PRH1: variants seen among roughly 807,000 people sequenced by gnomAD.
The protein encoded by PRH1 is salivary acidic proline-rich phosphoprotein 1/2.
In PRH1, 7 loss-of-function variants were observed where a neutral mutation model predicts 7.9. The ratio of observed to expected loss-of-function variants is 0.89; its 90% CI spans 0.50 to 1.67. The LOEUF (loss-of-function observed/expected upper bound fraction) is 1.67, where lower values mean the gene tolerates loss of function less well. Ranked by LOEUF, PRH1 falls within the 40% of genes most tolerant of loss-of-function variation. PRH1 has a pLI of 0.00. For missense variants in PRH1, 109 were observed against 223.6 expected, an observed-to-expected ratio of 0.49 and a Z score of 3.27; for synonymous variants, 45 against 80.8, an observed-to-expected ratio of 0.56 and a Z score of 2.38.
chr12:10,964,712 T>C (rs1938419076), intron 2 of PRH1: 5 of 656,790 alleles, frequency 7.6e-6, no homozygotes, highest in Admixed American at 4.0e-5. Flanking sequence ...TGGAGATCCT[T>C]TGCCATGGAA....
At chr12:11,147,291 G>C (rs1946892265) in intron 1 of PRH1, among the ~76,000 whole-genome samples, 1 of 152,026 alleles carries the variant, frequency 6.6e-6, no homozygotes, top group Non-Finnish European at 1.5e-5. Context: ...CCCAAGATCA[G>C]ATCCTCCCAC....
intron 1 of PRH1, among the ~76,000 whole-genome samples, chr12:11,071,324 G>A (rs1465814808): frequency 6.6e-6 from 1 of 150,750 alleles, no homozygotes; most frequent in South Asian, 2.1e-4. Context: ...TGCAAAGGCA[G>A]GTGCCAATTC....
intron 1 of PRH1, among the ~76,000 whole-genome samples, chr12:11,027,761 CTGTGCA>C (rs937515275): frequency 3.3e-5 from 5 of 152,166 alleles, no homozygotes; most frequent in African/African-American, 1.2e-4. Flanking sequence ...TTATAGGACT[CTGTGCA>C]TGTCTCTGAC....
At chr12:10,898,785 TATC>T (rs2135805360) in intron 2 of PRH1, among the ~76,000 whole-genome samples, 1 of 152,314 alleles carries the variant, frequency 6.6e-6, no homozygotes, top group South Asian at 2.1e-4. Flanking sequence ...GTAAAGAAAT[TATC>T]CATGTTTTGT....
chr12:11,101,201 G>A (rs1440176996), intron 1 of PRH1, among the ~76,000 whole-genome samples: 1 of 152,102 alleles, frequency 6.6e-6, no homozygotes, highest in Admixed American at 6.6e-5. Flanking sequence ...TTTAAGTAAT[G>A]TTTTGGGCCA....
chr12:11,011,198 G>C (rs7311538), intron 1 of PRH1, among the ~76,000 whole-genome samples: 46,306 of 151,908 alleles, frequency 0.3, 8,927 homozygotes, highest in East Asian at 0.74. Context: ...TAAGGCAGGC[G>C]TATTATCACT....
chr12:10,986,869 A>G, intron 1 of PRH1: 1 of 1,485,224 alleles, frequency 6.7e-7, no homozygotes, highest in Non-Finnish European at 9.0e-7. Context: ...ATATCTGAGC[A>G]GAAAAAAAGA....
intron 2 of PRH1, among the ~76,000 whole-genome samples, chr12:10,947,211 A>T (rs1197060215): frequency 1.3e-5 from 2 of 151,940 alleles, no homozygotes; most frequent in East Asian, 3.9e-4. Context: ...ATGATCTAAT[A>T]CTGTCAGTGG....
chr12:10,932,394 A>C (rs1333587064), intron 2 of PRH1: 4 of 228,238 alleles, frequency 1.8e-5, no homozygotes, highest in African/African-American at 8.8e-5. Flanking sequence ...TTGTAAGAAC[A>C]TCCAGGACCC....
chr12:10,904,821 T>A (rs368640944), intron 2 of PRH1, among the ~76,000 whole-genome samples: 4 of 151,794 alleles, frequency 2.6e-5, no homozygotes, highest in Admixed American at 1.3e-4. Flanking sequence ...ATGGAAACAA[T>A]TGAACAAGCA....
rs375315747 is a variant in PRH1, at chr12:11,062,157, T to G, written n.124-14969A>C. ...TGGAGACTGCCAGAGCAGTGAGAAT[T>G]TGGTCAGCAAAAGAGATCTTTTGTC... On this transcript the variant is annotated intron_variant and non_coding_transcript_variant, in intron 1 of 4. Coordinates refer to the PRH1 transcript ENST00000541977. 2 of 1,613,496 alleles carry G rather than the reference T, an allele frequency of 1.2e-6. No individual in the cohort carries two copies. The highest frequency in any genetic ancestry group is 2.7e-5 in the African/African-American group (2 of 74,860).
chr12:10,968,699 C>T (rs750292893), intron 2 of PRH1, among the ~76,000 whole-genome samples: 1 of 152,218 alleles, frequency 6.6e-6, no homozygotes, highest in East Asian at 1.9e-4. Flanking sequence ...GGGTGAAATC[C>T]ACTCGCTGGG....
chr12:11,051,110 G>C (rs1591895305), upstream of PRH1, among the ~76,000 whole-genome samples: 2 of 152,356 alleles, frequency 1.3e-5, no homozygotes, highest in African/African-American at 4.8e-5. Flanking sequence ...AAGTGATATA[G>C]GTATTCTGCT....
At chr12:10,901,273 G>C (rs1949719761) in intron 2 of PRH1, among the ~76,000 whole-genome samples, 1 of 152,168 alleles carries the variant, frequency 6.6e-6, no homozygotes, top group Admixed American at 6.5e-5. Context: ...GGTGGGTTCT[G>C]CTCCACAAGC....
At chr12:11,107,971 GA>G (rs1945476339) in intron 1 of PRH1, among the ~76,000 whole-genome samples, 2 of 152,184 alleles carry the variant, frequency 1.3e-5, no homozygotes, top group Non-Finnish European at 2.9e-5. Flanking sequence ...CTTTTCAGTG[GA>G]AAAAGGCCAG....
At chr12:11,050,747 T>C (rs555888684), upstream of PRH1, among the ~76,000 whole-genome samples, 44 of 152,420 alleles carry the variant, frequency 2.9e-4, no homozygotes, top group African/African-American at 1.0e-3. Flanking sequence ...ACCTGGAACT[T>C]GGACTCTGAA....
chr12:11,126,280 A>T (rs1946125716), intron 1 of PRH1, among the ~76,000 whole-genome samples: 2 of 152,212 alleles, frequency 1.3e-5, no homozygotes, highest in Admixed American at 1.3e-4. Flanking sequence ...GTCTCACTTT[A>T]GAATTTCGAC....
intron 2 of PRH1, among the ~76,000 whole-genome samples, chr12:10,919,927 CAG>C (rs1404847203): frequency 2.2e-5 from 3 of 138,450 alleles, no homozygotes; most frequent in Non-Finnish European, 4.6e-5. Flanking sequence ...TTTTTCCTGA[CAG>C]AGTCTTGCTC....
At chr12:10,982,826 T>C (rs759205823) in intron 1 of PRH1, among the ~76,000 whole-genome samples, 23 of 151,688 alleles carry the variant, frequency 1.5e-4, no homozygotes, top group Non-Finnish European at 3.2e-4. Context: ...CTGGTCCTTT[T>C]GTCAAAACAT....
Sources: allele counts gnomAD v4.1 joint callset (sites outside exome capture counted in the v4.1 genomes callset), GRCh38; gene constraint gnomAD v4.1.1; transcripts MANE v1.5; gene names NCBI Gene and HGNC (gene_info 2026-07-23, HGNC 2026-07-21).